TDRP: variants seen among roughly 807,000 people sequenced by gnomAD.
The protein encoded by TDRP is testis development-related protein.
A neutral mutation model predicts 10.5 loss-of-function variants in TDRP; 12 were observed. The observed-to-expected ratio is 1.15, with a 90% confidence interval of 0.73 to 1.86. TDRP has a LOEUF of 1.86. TDRP is among the 40% of genes most tolerant of loss of function. The probability of loss-of-function intolerance (pLI) is 0.00; values close to 1 mark genes in which losing one functional copy is unlikely to be tolerated. For missense variants in TDRP, 353 were observed against 229.2 expected, an observed-to-expected ratio of 1.54 and a Z score of -3.49; for synonymous variants, 139 against 95.4, an observed-to-expected ratio of 1.46 and a Z score of -2.67.
At chr8:525,476 C>G (rs139453351) in intron 1 of TDRP, among the ~76,000 whole-genome samples, 2,778 of 152,124 alleles carry the variant, frequency 0.018, 84 homozygotes, top group African/African-American at 0.063. Flanking sequence ...CTTTAAATGA[C>G]AAACCAATTA....
chr8:502,432 G>A (rs543028593), intron 1 of TDRP, among the ~76,000 whole-genome samples: 38 of 152,326 alleles, frequency 2.5e-4, no homozygotes, highest in African/African-American at 8.9e-4. Context: ...GGTGTGGTGG[G>A]GCTAGGCGGC....
intron 1 of TDRP, among the ~76,000 whole-genome samples, chr8:527,975 C>T (rs1005206770): frequency 1.3e-5 from 2 of 152,106 alleles, no homozygotes; most frequent in African/African-American, 4.8e-5. Flanking sequence ...AAAGGCAACA[C>T]ACAGAATGGG....
chr8:524,063 T>G (rs576215442), intron 1 of TDRP, among the ~76,000 whole-genome samples: 1 of 152,296 alleles, frequency 6.6e-6, no homozygotes, highest in African/African-American at 2.4e-5. Flanking sequence ...CAAGAGTGCT[T>G]GTGTCACCCC....
intron 1 of TDRP, among the ~76,000 whole-genome samples, chr8:544,204 CGAT>C (rs1308530217): frequency 6.6e-6 from 1 of 152,104 alleles, no homozygotes; most frequent in Non-Finnish European, 1.5e-5. Flanking sequence ...TCCGGATGCG[CGAT>C]GATTCAGGCC....
Position 494,658 on chromosome 8 carries a change from C to T in TDRP, c.109-61G>A. On this transcript the variant is annotated intron_variant, in intron 1 of 2. Transcript: ENST00000324079. ...TCATGAATCAACAGAATTCCGCTTT[C>T]TACTCCAATAACCATGGAGTTGAAA... The T allele has an allele frequency of 1.4e-6, 2 of 1,445,512 alleles. 1 individual carries two copies. The highest frequency in any genetic ancestry group is 2.3e-5 in the South Asian group (2 of 86,304). 89.5% of individuals were successfully genotyped at this position (1,445,512 alleles called of 1,614,324 possible).
rs59503668 is a variant in TDRP at position 527,758 on chromosome 8, C to T, written c.108+16892G>A. 4.4e-3 allele frequency among the ~76,000 whole-genome samples: 663 copies of T among 152,228 alleles called. 26 individuals carry two copies. The East Asian group carries it at 0.095, about 22-fold the overall frequency. On this transcript the variant is annotated intron_variant, in intron 1 of 2. Transcript: ENST00000324079. ...CTCACCATACACACACACAAAAAATCAAATCAAAATGGATTAAAGACTTAA... is the reference window on the plus strand; with the variant it reads ...CTCACCATACACACACACAAAAAATTAAATCAAAATGGATTAAAGACTTAA...
At chr8:540,673 G>T (rs1463741756) in intron 1 of TDRP, among the ~76,000 whole-genome samples, 1 of 152,032 alleles carries the variant, frequency 6.6e-6, no homozygotes, top group Non-Finnish European at 1.5e-5. Flanking sequence ...AGCCTAAAAA[G>T]ATTCTCAGAG....
intron 1 of TDRP, among the ~76,000 whole-genome samples, chr8:528,882 A>T (rs933455322): frequency 6.6e-6 from 1 of 152,054 alleles, no homozygotes; most frequent in Non-Finnish European, 1.5e-5. Context: ...TTTATTAAGT[A>T]GTATTAACTC....
rs1415371885 is a variant in TDRP at position 492,410 on chromosome 8, C to T, written c.547G>A (p.Glu183Lys). Reference sequence around the variant, plus strand: ...CCACGCAGCCCCCCTCACTCCGCCTCCTCCGGGCTATCTGTCAGGTGGCCT... The same window carrying T: ...CCACGCAGCCCCCCTCACTCCGCCTTCTCCGGGCTATCTGTCAGGTGGCCT... ...SKGHLTDSPE[E>K]AE Residue 183 changes from glutamate to lysine, a missense_variant, in exon 3 of 3, where the codon GAG becomes AAG. Glu to Lys is a moderately conservative substitution (Grantham distance 56). Coordinates refer to ENST00000324079, the MANE Select transcript of TDRP (RefSeq NM_001384899.1). 3 of 1,552,926 alleles carry T rather than the reference C, an allele frequency of 1.9e-6. No individual in the cohort carries two copies. Among genetic ancestry groups the T allele is most frequent in the Non-Finnish European group, 8.7e-7 (1 of 1,146,096 alleles).
rs139224616 is a variant in TDRP at position 532,752 on chromosome 8, A to C, written c.108+11898T>G. ...TAATAAGTTACCTTACAGTCAGAAG[A>C]GATTTCAAAGATCCTTTAGTCTAAA... On this transcript the variant is annotated intron_variant, in intron 1 of 2. Coordinates refer to ENST00000324079, the MANE Select transcript of TDRP (RefSeq NM_001384899.1). Among the ~76,000 whole-genome samples the C allele has an allele frequency of 2.4e-3, 367 of 152,338 alleles. 9 individuals are homozygous for C. In the East Asian group the frequency reaches 0.048, roughly 20 times the overall value.
chr8:532,671 G>A (rs530472451), intron 1 of TDRP, among the ~76,000 whole-genome samples: 3 of 152,198 alleles, frequency 2.0e-5, no homozygotes, highest in African/African-American at 7.2e-5. Flanking sequence ...TCTGAGTTTA[G>A]CATTAAGACT....
At position 494,312 on chromosome 8, in the gene TDRP, G is replaced by T. The variant is rs527602554; in HGVS notation, c.212+182C>A. Among the ~76,000 whole-genome samples the T allele has an allele frequency of 2.3e-3, 353 of 152,226 alleles. 1 individual carries two copies. The highest frequency in any genetic ancestry group is 8.0e-3 in the African/African-American group (334 of 41,532). On this transcript the variant is annotated intron_variant, in intron 2 of 2. Coordinates refer to ENST00000324079, the MANE Select transcript of TDRP (RefSeq NM_001384899.1). ...ATGTTAACTCCGAAGCACACATCAT[G>T]AAGTCCATGACCGTCTGCCACTCAA...
At chr8:543,742 T>G (rs896598899) in intron 1 of TDRP, among the ~76,000 whole-genome samples, 1 of 152,236 alleles carries the variant, frequency 6.6e-6, no homozygotes, top group African/African-American at 2.4e-5. Context: ...GAAACTCTTC[T>G]GCTCAGAAAC....
intron 1 of TDRP, among the ~76,000 whole-genome samples, chr8:509,624 T>C (rs1228858857): frequency 6.6e-6 from 1 of 151,988 alleles, no homozygotes; most frequent in Non-Finnish European, 1.5e-5. Context: ...ATCTGACCCA[T>C]TTTTTCCTCC....
Position 544,663 on chromosome 8 carries a change from G to A in TDRP, c.95C>T (p.Ala32Val). ...RGGPPPAAAA[A>V]AQAQVQGASF... Reference sequence around the variant, plus strand: ...GCACCCCCTCACCTGCGCCTGGGCGGCGGCGGCGGCGGCCGGTGGCGGCCC... The same window carrying A: ...GCACCCCCTCACCTGCGCCTGGGCGACGGCGGCGGCGGCCGGTGGCGGCCC... Residue 32 changes from alanine to valine, a missense_variant, in exon 1 of 3, where the codon GCC (alanine) becomes GTC (valine). Transcript: ENST00000324079. The A allele has an allele frequency of 2.3e-6, 1 of 437,182 alleles. No homozygotes were observed. Among genetic ancestry groups the A allele is most frequent in the Non-Finnish European group, 3.2e-6 (1 of 308,862 alleles). 27.1% of individuals were successfully genotyped at this position (437,182 alleles called of 1,614,324 possible).
intron 1 of TDRP, among the ~76,000 whole-genome samples, chr8:539,637 G>A (rs1002414494): frequency 6.6e-6 from 1 of 152,182 alleles, no homozygotes; most frequent in Non-Finnish European, 1.5e-5. Context: ...AGAAATAACG[G>A]AAAACAGTAA....
chr8:515,778 A>G (rs1343643225), intron 1 of TDRP, among the ~76,000 whole-genome samples: 1 of 152,234 alleles, frequency 6.6e-6, no homozygotes, highest in Non-Finnish European at 1.5e-5. Context: ...TTATCACTAT[A>G]TAATTAAATA....
At chr8:497,562 A>G (rs1801170244) in intron 1 of TDRP, among the ~76,000 whole-genome samples, 1 of 152,216 alleles carries the variant, frequency 6.6e-6, no homozygotes, top group African/African-American at 2.4e-5. Flanking sequence ...CAGAGCATAC[A>G]AGTTTGGAAA....
chr8:509,651 G>C (rs1801557828), intron 1 of TDRP, among the ~76,000 whole-genome samples: 1 of 152,154 alleles, frequency 6.6e-6, no homozygotes, highest in Non-Finnish European at 1.5e-5. Flanking sequence ...CCAGGCCTGT[G>C]ATGGGAGGGG....
Sources: gnomAD v4.1 joint callset for allele counts (sites outside exome capture counted in the v4.1 genomes callset) on GRCh38, gnomAD v4.1.1 for gene constraint, MANE v1.5 for transcripts, NCBI Gene and HGNC (gene_info 2026-07-23, HGNC 2026-07-21) for gene names.